The following NT5C3A variants were observed in gnomAD, a reference collection of about 807,000 sequenced individuals.
The protein encoded by NT5C3A is 5'-nucleotidase, cytosolic IIIA.
NT5C3A carries 23 observed loss-of-function variants against 40.0 expected under a neutral mutation model. The observed-to-expected ratio is 0.58, with a 90% CI of 0.41 to 0.81. The LOEUF (loss-of-function observed/expected upper bound fraction) is 0.81, where lower values mean the gene tolerates loss of function less well. NT5C3A is among the 40% of genes least tolerant of loss of function. The probability of loss-of-function intolerance (pLI) is 0.00; values close to 1 mark genes in which losing one functional copy is unlikely to be tolerated. For missense variants in NT5C3A, 328 were observed against 403.0 expected (o/e 0.81, Z 1.59); for synonymous variants, 130 against 141.4 (o/e 0.92, Z 0.57).
intron 1 of NT5C3A, chr7:33,035,978 T>C (rs957271742): frequency 5.0e-6 from 8 of 1,613,366 alleles, no homozygotes; most frequent in Non-Finnish European, 5.9e-6. Context: ...ATTTCTTGGT[T>C]ATCCAATCTT....
chr7:33,046,433 G>A (rs190628138), intron 1 of NT5C3A, among the ~76,000 whole-genome samples: 1 of 152,166 alleles, frequency 6.6e-6, no homozygotes, highest in East Asian at 1.9e-4. Flanking sequence ...CAACTTCTCA[G>A]GAGGCTGAGG....
At chr7:33,028,077 T>C (rs1359757049) in intron 1 of NT5C3A, among the ~76,000 whole-genome samples, 3 of 152,260 alleles carry the variant, frequency 2.0e-5, no homozygotes, top group Non-Finnish European at 2.9e-5. Flanking sequence ...CTTTTTATTG[T>C]ACTATTTTCC....
At chr7:33,051,245 C>T (rs1001951483) in intron 1 of NT5C3A, among the ~76,000 whole-genome samples, 18 of 151,962 alleles carry the variant, frequency 1.2e-4, no homozygotes, top group African/African-American at 4.4e-4. Flanking sequence ...CTCACTGCAA[C>T]CTCTGCTTCT....
chr7:33,040,461 T>C (rs1225117517), intron 1 of NT5C3A, among the ~76,000 whole-genome samples: 1 of 152,216 alleles, frequency 6.6e-6, no homozygotes, highest in Non-Finnish European at 1.5e-5. Context: ...TCTTTATTAC[T>C]ACCCATAATA....
chr7:33,060,259 A>G (rs111434140), intron 1 of NT5C3A, among the ~76,000 whole-genome samples: 3 of 152,270 alleles, frequency 2.0e-5, no homozygotes, highest in African/African-American at 7.2e-5. Flanking sequence ...TGCCAAAGCA[A>G]ACCTTTGATG....
intron 1 of NT5C3A, among the ~76,000 whole-genome samples, chr7:33,048,128 GATAATACCATA>G (rs1787227659): frequency 6.6e-6 from 1 of 151,680 alleles, no homozygotes; most frequent in Non-Finnish European, 1.5e-5. Flanking sequence ...CAGGATGTAA[GATAATACCATA>G]AATGGCGTCT....
intron 3 of NT5C3A, 98 bp downstream of exon 3, chr7:33,023,941 G>T (rs1785772884): frequency 3.9e-6 from 3 of 766,288 alleles, no homozygotes; most frequent in Non-Finnish European, 6.9e-6. Context: ...TGTCCAAGAA[G>T]AATTTTAAAA....
chr7:33,035,081 C>T (rs917153734), intron 1 of NT5C3A, among the ~76,000 whole-genome samples: 1 of 151,606 alleles, frequency 6.6e-6, no homozygotes, highest in African/African-American at 2.4e-5. Context: ...AGGAACTTGA[C>T]GTTTTCACTG....
At chr7:33,039,562 G>GTTTTT (rs770430109) in intron 1 of NT5C3A, among the ~76,000 whole-genome samples, 9 of 120,552 alleles carry the variant, frequency 7.5e-5, no homozygotes, top group South Asian at 2.5e-4. Context: ...TGGGTTTTTT[G>GTTTTT]TTTTTTTTTT....
chr7:33,046,103 A>G (rs978438778), intron 1 of NT5C3A: 1 of 152,198 alleles, frequency 6.6e-6, no homozygotes, highest in African/African-American at 2.4e-5. Context: ...CATGTTTTTT[A>G]TCATTTAAGA....
chr7:33,022,036 T>C lies in NT5C3A; in HGVS notation c.354+17A>G, dbSNP rs747907145. On this transcript the variant is annotated intron_variant, in intron 4 of 8. Coordinates refer to ENST00000610140, the MANE Select transcript of NT5C3A (RefSeq NM_001002010.5). ...AATGAAGTCTTTGAGTGACTATAGATTGTTGTTAGTGTTTACCTTTTTTCT... is the reference window on the plus strand; with the variant it reads ...AATGAAGTCTTTGAGTGACTATAGACTGTTGTTAGTGTTTACCTTTTTTCT... 6 of 1,409,528 alleles carry C rather than the reference T, an allele frequency of 4.3e-6. No homozygotes were observed. The Admixed American group carries it at 5.1e-5, about 12-fold the overall frequency. 87.3% of individuals were successfully genotyped at this position (1,409,528 alleles called of 1,614,324 possible).
chr7:33,033,401 G>C (rs1478392535), intron 1 of NT5C3A, among the ~76,000 whole-genome samples: 1 of 152,136 alleles, frequency 6.6e-6, no homozygotes. Context: ...TACATATTTG[G>C]TCTGTTTCTA....
rs549534438 is a variant in NT5C3A at position 33,041,784 on chromosome 7, G to C, written c.139-14869C>G. Among the ~76,000 whole-genome samples, 18 of 152,058 alleles carry C rather than the reference G, an allele frequency of 1.2e-4. 1 individual carries two copies. Among genetic ancestry groups the C allele is most frequent in the African/African-American group, 3.6e-4 (15 of 41,462 alleles). On this transcript the variant is annotated intron_variant, in intron 1 of 8. Coordinates refer to ENST00000610140, the MANE Select transcript of NT5C3A (RefSeq NM_001002010.5). ...AGAGAACTAGTCTTGCTTTTAACCT[G>C]AGTAGTAGGGTGGCAATATGCTAAT...
intron 6 of NT5C3A, among the ~76,000 whole-genome samples, chr7:33,017,967 C>G (rs1785428588): frequency 6.6e-6 from 1 of 152,158 alleles, no homozygotes; most frequent in Non-Finnish European, 1.5e-5. Context: ...ATTGCTTGAG[C>G]CCAGGAGTTC....
At chr7:33,030,769 T>C (rs562035930) in intron 1 of NT5C3A, among the ~76,000 whole-genome samples, 1 of 152,300 alleles carries the variant, frequency 6.6e-6, no homozygotes, top group African/African-American at 2.4e-5. Flanking sequence ...ATATTAGATT[T>C]GATATGATCT....
In NT5C3A at chr7:33,062,589, C is replaced by A; in HGVS notation, c.117G>T (p.Arg39=). ...YIFTLKRKTG[R]KTKIIEMMPE... ...TCACCATCTCGATGATCTTGGTCTT[C>A]CGCCCCGTCTTCCTCTTCAAGGTGA... Residue 39 remains arginine, a synonymous_variant, in exon 1 of 9, where the codon CGG becomes CGT. Coordinates refer to ENST00000610140, the MANE Select transcript of NT5C3A (RefSeq NM_001002010.5). 6.2e-7 allele frequency: 1 copy of A among 1,610,334 alleles called. No individual in the cohort carries two copies. Among genetic ancestry groups the A allele is most frequent in the South Asian group, 1.1e-5 (1 of 90,820 alleles).
At chr7:33,019,319 C>A (rs933421130) in intron 6 of NT5C3A, among the ~76,000 whole-genome samples, 2 of 151,072 alleles carry the variant, frequency 1.3e-5, no homozygotes, top group African/African-American at 4.9e-5. Context: ...TTTCATATGT[C>A]TTTCCTAAGT....
intron 1 of NT5C3A, 174 bp from the exon 2 acceptor site, chr7:33,027,089 A>G (rs904803103): frequency 3.8e-6 from 2 of 532,084 alleles, no homozygotes; most frequent in African/African-American, 3.9e-5. Context: ...ACTTTTTTAG[A>G]GATGAGGTCT....
At chr7:33,032,048 C>A (rs1786292549) in intron 1 of NT5C3A, among the ~76,000 whole-genome samples, 1 of 151,948 alleles carries the variant, frequency 6.6e-6, no homozygotes, top group South Asian at 2.1e-4. Context: ...TCGCTTGAAC[C>A]CGGGAGGCAG....
Sources: allele counts gnomAD v4.1 joint callset (sites outside exome capture counted in the v4.1 genomes callset), GRCh38; gene constraint gnomAD v4.1.1; transcripts MANE v1.5; gene names NCBI Gene and HGNC (gene_info 2026-07-23, HGNC 2026-07-21).